The following BLK variants were observed in gnomAD, a reference collection of about 807,000 sequenced individuals.
BLK encodes tyrosine-protein kinase Blk.
In BLK, 64 loss-of-function variants were observed where a neutral mutation model predicts 61.8. The observed-to-expected ratio is 1.03, with a 90% CI of 0.85 to 1.27. BLK has a LOEUF of 1.27. BLK is among the 50% of genes most tolerant of loss of function. The pLI, the probability that BLK is intolerant of heterozygous loss-of-function variation, is 0.00. For synonymous variants in BLK, 351 were observed against 272.0 expected (o/e 1.29, Z -2.86); for missense variants, 853 against 660.5 (o/e 1.29, Z -3.19).
At chr8:11,525,896 C>T (rs1799634834) in intron 1 of BLK, among the ~76,000 whole-genome samples, 3 of 152,162 alleles carry the variant, frequency 2.0e-5, no homozygotes, top group Admixed American at 2.0e-4. Flanking sequence ...AGGCACCCAC[C>T]ACCATGTCCG....
At chr8:11,556,294 C>A in intron 8 of BLK, 1 of 355,718 alleles carries the variant, frequency 2.8e-6, no homozygotes, top group South Asian at 2.4e-5. Context: ...CCAGTGTACC[C>A]CAGGCTGTGT....
intron 1 of BLK, among the ~76,000 whole-genome samples, chr8:11,511,222 T>C (rs2736354): frequency 0.83 from 126,394 of 152,142 alleles, 52,673 homozygotes; most frequent in Admixed American, 0.88. Flanking sequence ...TACAGCTCGG[T>C]CTTTTGTCTT....
At chr8:11,503,054 C>T in intron 1 of BLK, among the ~76,000 whole-genome samples, 1 of 152,216 alleles carries the variant, frequency 6.6e-6, no homozygotes, top group Non-Finnish European at 1.5e-5. Flanking sequence ...TCTCTGCTGG[C>T]CTCTTTGCAC....
At position 11,564,532 on chromosome 8, in the gene BLK, G is replaced by A. The variant is rs1425117806; in HGVS notation, c.*424G>A. ...ACTGGGTCCCGCGGACGCCAGCAGGGGCAGCCCCAGCCTAGGCTGCGCTCC... is the reference window on the plus strand; with the variant it reads ...ACTGGGTCCCGCGGACGCCAGCAGGAGCAGCCCCAGCCTAGGCTGCGCTCC... On this transcript the variant is annotated 3_prime_UTR_variant, in exon 13 of 13. Coordinates refer to ENST00000259089, the MANE Select transcript of BLK (RefSeq NM_001715.3). 2.1e-6 allele frequency: 1 copy of A among 484,762 alleles called. No homozygotes were observed. Among genetic ancestry groups the A allele is most frequent in the South Asian group, 1.5e-5 (1 of 64,534 alleles). The allele number at this position is 484,762 out of a possible 1,614,324, so 30.0% of individuals were successfully genotyped here. A position where few individuals can be genotyped will look rare whatever the true frequency, so the allele number is the denominator to read the frequency against.
chr8:11,497,532 C>T (rs930177514), intron 1 of BLK, among the ~76,000 whole-genome samples: 1 of 152,204 alleles, frequency 6.6e-6, no homozygotes, highest in African/African-American at 2.4e-5. Flanking sequence ...TGGACCAAAG[C>T]TCCTGAGGAC....
chr8:11,545,671 T>C, intron 2 of BLK: 1 of 314,196 alleles, frequency 3.2e-6, no homozygotes, highest in Non-Finnish European at 6.2e-6. Flanking sequence ...AATATGTTTG[T>C]CGAGTTTTGG....
intron 6 of BLK, among the ~76,000 whole-genome samples, chr8:11,554,448 G>A (rs1407563316): frequency 4.6e-5 from 7 of 152,138 alleles, no homozygotes; most frequent in Admixed American, 6.5e-5. Flanking sequence ...CCCAAGTGGG[G>A]ACCTACATGA....
chr8:11,520,393 C>T (rs995739694), intron 1 of BLK, among the ~76,000 whole-genome samples: 2 of 141,114 alleles, frequency 1.4e-5, no homozygotes, highest in South Asian at 2.4e-4. Context: ...GGGAGGATCA[C>T]TTGTGCCCAG....
chr8:11,561,012 T>C (rs1417344162), intron 10 of BLK: 2 of 605,134 alleles, frequency 3.3e-6, no homozygotes, highest in African/African-American at 3.6e-5. Context: ...TGTGTTCTTC[T>C]ATCTTCCATC....
intron 1 of BLK, among the ~76,000 whole-genome samples, chr8:11,510,270 G>A (rs148314746): frequency 8.9e-4 from 135 of 152,258 alleles, no homozygotes; most frequent in African/African-American, 3.1e-3. Flanking sequence ...AGTGACTTGA[G>A]TTTTTCATCT....
intron 1 of BLK, among the ~76,000 whole-genome samples, chr8:11,532,885 C>T (rs533877084): frequency 1.3e-5 from 2 of 152,256 alleles, no homozygotes; most frequent in African/African-American, 4.8e-5. Context: ...GTTAAGTTAC[C>T]TGTGGATAAA....
intron 1 of BLK, among the ~76,000 whole-genome samples, chr8:11,534,821 C>G (rs1800045622): frequency 1.3e-5 from 2 of 152,242 alleles, no homozygotes; most frequent in African/African-American, 2.4e-5. Flanking sequence ...AGAGCAGCCT[C>G]TCACCATCAG....
chr8:11,495,868 C>T (rs1194137807), intron 1 of BLK, among the ~76,000 whole-genome samples: 1 of 152,182 alleles, frequency 6.6e-6, no homozygotes, highest in Admixed American at 6.5e-5. Context: ...AAGGTGTTCA[C>T]ATTAGAAGAA....
Position 11,517,219 on chromosome 8 carries a change from G to A in BLK, c.-2+22628G>A, listed in dbSNP as rs1799263951. ...ACCCGGCTCTCGGCCAAGGCAGAGA[G>A]ATGTCCATTCCTGGCTGCCTGTGGA... On this transcript the variant is annotated intron_variant, in intron 1 of 12. Transcript: ENST00000259089. Among the ~76,000 whole-genome samples the A allele has an allele frequency of 2.0e-5, 3 of 152,262 alleles. No individual in the cohort carries two copies. In the South Asian group the frequency reaches 6.2e-4, roughly 31 times the overall value.
In BLK at chr8:11,531,576, C is replaced by T. The variant is rs530629851; in HGVS notation, c.-1-11648C>T. Among the ~76,000 whole-genome samples, 4 of 152,238 alleles carry T rather than the reference C, an allele frequency of 2.6e-5. No individual in the cohort carries two copies. The East Asian group carries it at 7.7e-4, about 29-fold the overall frequency. ...TAATGTACCTTGGTGTGGTTTTCTT[C>T]ATACTTGGGGTTGATATTCTTGAGT... On this transcript the variant is annotated intron_variant, in intron 1 of 12. Coordinates refer to ENST00000259089, the MANE Select transcript of BLK (RefSeq NM_001715.3).
At chr8:11,523,816 T>C (rs1468058661) in intron 1 of BLK, among the ~76,000 whole-genome samples, 1 of 149,690 alleles carries the variant, frequency 6.7e-6, no homozygotes, top group East Asian at 2.0e-4. Flanking sequence ...TCATCACTTT[T>C]CACTGAGCAG....
intron 1 of BLK, among the ~76,000 whole-genome samples, chr8:11,535,319 AGAAAGAGAAG>A (rs1449996999): frequency 8.5e-6 from 1 of 117,656 alleles, no homozygotes; most frequent in Non-Finnish European, 1.9e-5. Context: ...AAAGAAAGAA[AGAAAGAGAAG>A]GAAAAGGGAA....
intron 1 of BLK, among the ~76,000 whole-genome samples, chr8:11,514,341 G>A (rs892826824): frequency 6.6e-6 from 1 of 152,212 alleles, no homozygotes; most frequent in African/African-American, 2.4e-5. Context: ...CGAGAGAGAG[G>A]CAATGCTGTC....
At chr8:11,528,144 C>G (rs577247404) in intron 1 of BLK, among the ~76,000 whole-genome samples, 2 of 152,238 alleles carry the variant, frequency 1.3e-5, no homozygotes, top group African/African-American at 4.8e-5. Flanking sequence ...TCAGGTGATC[C>G]TCCCACCTCA....
Sources: allele counts gnomAD v4.1 joint callset (sites outside exome capture counted in the v4.1 genomes callset), GRCh38; gene constraint gnomAD v4.1.1; transcripts MANE v1.5; gene names NCBI Gene and HGNC (gene_info 2026-07-23, HGNC 2026-07-21).